ZNF521: variants seen among roughly 807,000 people sequenced by gnomAD.
ZNF521 encodes LYST-interacting protein 3.
A neutral mutation model predicts 105.5 loss-of-function variants in ZNF521; 14 were observed. That is an observed-to-expected ratio of 0.13 (90% confidence interval 0.09 to 0.21). The LOEUF (loss-of-function observed/expected upper bound fraction) is 0.21. Ranked by LOEUF, ZNF521 falls within the 10% of genes least tolerant of loss-of-function variation. The probability of loss-of-function intolerance (pLI) is 1.00; values close to 1 mark genes in which losing one functional copy is unlikely to be tolerated. For missense variants in ZNF521, 1,233 were observed against 1,629.7 expected (o/e 0.76, Z 4.19); for synonymous variants, 635 against 606.0 (o/e 1.05, Z -0.70).
At chr18:25,248,416 G>A (rs956552041) in intron 3 of ZNF521, among the ~76,000 whole-genome samples, 2 of 152,142 alleles carry the variant, frequency 1.3e-5, no homozygotes, top group African/African-American at 4.8e-5. Context: ...GAAAAGACTT[G>A]GCAACACTGA....
intron 4 of ZNF521, among the ~76,000 whole-genome samples, chr18:25,216,053 T>G (rs1905306541): frequency 6.6e-6 from 1 of 152,238 alleles, no homozygotes; most frequent in Non-Finnish European, 1.5e-5. Flanking sequence ...CCATTTAGTT[T>G]TTGCTCTTTG....
rs1042833776 is a variant in ZNF521 at position 25,191,540 on chromosome 18, T to C, written c.3658+3620A>G. 2.6e-5 allele frequency among the ~76,000 whole-genome samples: 4 copies of C among 152,328 alleles called. No individual in the cohort carries two copies. In the East Asian group the frequency reaches 7.7e-4, roughly 29 times the overall value. On this transcript the variant is annotated intron_variant, in intron 5 of 7. Transcript: ENST00000361524. ...ACACATTTGTTTCTTTGGGGATTTATGCGCTAGTTGCAATGCCAACCTCCA... is the reference window on the plus strand; with the variant it reads ...ACACATTTGTTTCTTTGGGGATTTACGCGCTAGTTGCAATGCCAACCTCCA...
intron 3 of ZNF521, among the ~76,000 whole-genome samples, chr18:25,255,809 G>A (rs1908442556): frequency 6.6e-6 from 1 of 151,782 alleles, no homozygotes; most frequent in African/African-American, 2.4e-5. Flanking sequence ...AGAAATGAAA[G>A]CACAGTCTCA....
intron 7 of ZNF521, among the ~76,000 whole-genome samples, chr18:25,070,990 T>G (rs1176712885): frequency 6.6e-6 from 1 of 152,146 alleles, no homozygotes; most frequent in Admixed American, 6.5e-5. Context: ...CCTGTCTTGT[T>G]ATTGACAGGT....
At chr18:25,228,948 C>CA (rs1379460146) in intron 3 of ZNF521, among the ~76,000 whole-genome samples, 4 of 151,798 alleles carry the variant, frequency 2.6e-5, no homozygotes, top group South Asian at 2.1e-4. Flanking sequence ...CACGATTTTT[C>CA]AAAAAAACAC....
chr18:25,287,340 T>C (rs1394850302), intron 3 of ZNF521, among the ~76,000 whole-genome samples: 1 of 152,230 alleles, frequency 6.6e-6, no homozygotes, highest in Non-Finnish European at 1.5e-5. Flanking sequence ...CTGCCTTTCC[T>C]AGTATTACAG....
chr18:25,078,217 C>T (rs1324172113), intron 7 of ZNF521, among the ~76,000 whole-genome samples: 1 of 152,132 alleles, frequency 6.6e-6, no homozygotes, highest in Non-Finnish European at 1.5e-5. Flanking sequence ...TTGCCTGCCT[C>T]GGAACAGAAC....
chr18:25,176,760 C>T (rs1298734965), intron 5 of ZNF521, among the ~76,000 whole-genome samples: 2 of 152,206 alleles, frequency 1.3e-5, no homozygotes, highest in East Asian at 1.9e-4. Context: ...TTGCCCAAGT[C>T]GGCCGCCCCG....
chr18:25,348,058 C>CT (rs1491555832), intron 2 of ZNF521, among the ~76,000 whole-genome samples: 4 of 152,118 alleles, frequency 2.6e-5, no homozygotes, highest in African/African-American at 7.2e-5. Context: ...TAAAATCAGA[C>CT]TTTTTATCTT....
At chr18:25,265,682 G>A (rs1244385678) in intron 3 of ZNF521, among the ~76,000 whole-genome samples, 1 of 152,164 alleles carries the variant, frequency 6.6e-6, no homozygotes, top group Non-Finnish European at 1.5e-5. Context: ...CTATCCCATT[G>A]CGGGGCATAT....
chr18:25,205,834 C>A (rs754538946), intron 4 of ZNF521, among the ~76,000 whole-genome samples: 9 of 152,086 alleles, frequency 5.9e-5, no homozygotes, highest in African/African-American at 2.2e-4. Context: ...AAAGTCATCA[C>A]AAATTTCAAA....
At chr18:25,280,332 G>A (rs944099141) in intron 3 of ZNF521, among the ~76,000 whole-genome samples, 3 of 151,808 alleles carry the variant, frequency 2.0e-5, no homozygotes, top group African/African-American at 7.3e-5. Context: ...CGACAATTCT[G>A]TTTAAGCACA....
intron 3 of ZNF521, among the ~76,000 whole-genome samples, chr18:25,309,896 A>G (rs1043783414): frequency 3.3e-5 from 5 of 152,214 alleles, no homozygotes; most frequent in Non-Finnish European, 7.4e-5. Flanking sequence ...AATATATCTT[A>G]GTGCTTGAAT....
intron 5 of ZNF521, among the ~76,000 whole-genome samples, chr18:25,174,587 G>A (rs1405889781): frequency 6.6e-6 from 1 of 152,184 alleles, no homozygotes; most frequent in Non-Finnish European, 1.5e-5. Context: ...AGCTGCACAG[G>A]CTCGCCAAGC....
At chr18:25,108,013 T>C (rs967227575) in intron 5 of ZNF521, among the ~76,000 whole-genome samples, 2 of 152,246 alleles carry the variant, frequency 1.3e-5, no homozygotes, top group East Asian at 3.9e-4. Context: ...ACAAGGCTTG[T>C]GCCTTCTCCA....
chr18:25,207,418 G>A (rs923590593), intron 4 of ZNF521, among the ~76,000 whole-genome samples: 1 of 152,154 alleles, frequency 6.6e-6, no homozygotes, highest in Non-Finnish European at 1.5e-5. Context: ...CTCCAGGACC[G>A]ACTCTCCAGC....
chr18:25,152,486 A>T (rs987768343), intron 5 of ZNF521, among the ~76,000 whole-genome samples: 2 of 151,950 alleles, frequency 1.3e-5, no homozygotes, highest in Non-Finnish European at 2.9e-5. Context: ...CTCAAAAAAA[A>T]AAAAGAAAAA....
chr18:25,339,883 C>A (rs1914100831), intron 2 of ZNF521, among the ~76,000 whole-genome samples: 1 of 152,162 alleles, frequency 6.6e-6, no homozygotes. Flanking sequence ...AAGCCTTTAT[C>A]ATTACAACAC....
At chr18:25,132,992 G>A (rs558532246) in intron 5 of ZNF521, among the ~76,000 whole-genome samples, 31 of 152,274 alleles carry the variant, frequency 2.0e-4, no homozygotes, top group African/African-American at 7.2e-4. Flanking sequence ...CTGAGTTCCC[G>A]AAGCAAAAGG....
Sources: gnomAD v4.1 joint callset for allele counts (sites outside exome capture counted in the v4.1 genomes callset) on GRCh38, gnomAD v4.1.1 for gene constraint, MANE v1.5 for transcripts, NCBI Gene and HGNC (gene_info 2026-07-23, HGNC 2026-07-21) for gene names.